The following SLC7A11 variants were observed in gnomAD, a reference collection of about 807,000 sequenced individuals.
SLC7A11 encodes the protein solute carrier family 7 member 11.
A neutral mutation model predicts 54.5 loss-of-function variants in SLC7A11; 35 were observed. The observed-to-expected ratio is 0.64, with a 90% CI of 0.49 to 0.85. The LOEUF is 0.85. Among genes scored for constraint, SLC7A11 ranks in the 40% least tolerant of loss-of-function variants. The pLI is 0.00. For missense variants in SLC7A11, 583 were observed against 618.1 expected (o/e 0.94, Z 0.60); for synonymous variants, 230 against 225.2 (o/e 1.02, Z -0.19).
intron 3 of SLC7A11, among the ~76,000 whole-genome samples, chr4:138,225,477 G>C (rs1457896304): frequency 6.6e-5 from 10 of 151,850 alleles, no homozygotes; most frequent in Admixed American, 5.9e-4. Context: ...AAAACATGAA[G>C]GGATAGACAG....
At chr4:138,181,155 G>T (rs1017915411) in intron 9 of SLC7A11, among the ~76,000 whole-genome samples, 1 of 152,070 alleles carries the variant, frequency 6.6e-6, no homozygotes, top group African/African-American at 2.4e-5. Flanking sequence ...GAGATGATTA[G>T]TAAATAACCG....
chr4:138,237,733 A>T lies in SLC7A11; in HGVS notation c.278-1282T>A, dbSNP rs1193022046. ...TATATATATATATATATATATATATATATATTTTTTTTTTTTTTTTTTTTT... is the reference window on the plus strand; with the variant it reads ...TATATATATATATATATATATATATTTATATTTTTTTTTTTTTTTTTTTTT... On this transcript the variant is annotated intron_variant, in intron 1 of 11. Transcript: ENST00000280612. Among the ~76,000 whole-genome samples, 93 of 11,520 alleles carry T rather than the reference A, an allele frequency of 8.1e-3. 3 individuals are homozygous for T. The highest frequency in any genetic ancestry group is 0.014 in the Admixed American group (7 of 514). 7.6% of individuals were successfully genotyped at this position (11,520 alleles called of 152,430 possible).
chr4:138,210,007 C>T (rs969709552), intron 6 of SLC7A11, among the ~76,000 whole-genome samples: 1 of 151,938 alleles, frequency 6.6e-6, no homozygotes, highest in African/African-American at 2.4e-5. Flanking sequence ...TATAGGGTTA[C>T]AGTAACCCAA....
At position 138,171,711 on chromosome 4, in the gene SLC7A11, G is replaced by A. The variant is rs1736429004; in HGVS notation, c.*245C>T. The A allele has an allele frequency of 4.7e-6, 2 of 427,578 alleles. No homozygotes were observed. Among genetic ancestry groups the A allele is most frequent in the African/African-American group, 4.2e-5 (2 of 47,468 alleles). The allele number at this position is 427,578 out of a possible 1,614,324, so 26.5% of individuals were successfully genotyped here. A position where few individuals can be genotyped will look rare whatever the true frequency, so the allele number is the denominator to read the frequency against. On this transcript the variant is annotated 3_prime_UTR_variant, in exon 12 of 12. Transcript: ENST00000280612. ...CTTTTCTCCTAACCCCAATAGGTAG[G>A]TATCAGAGACTCAAGAATTGTGCGA...
intron 5 of SLC7A11, among the ~76,000 whole-genome samples, chr4:138,217,927 A>G (rs1737718430): frequency 2.0e-5 from 3 of 152,222 alleles, no homozygotes; most frequent in Admixed American, 2.0e-4. Flanking sequence ...AAAAGACTTC[A>G]AAAATACTGA....
chr4:138,219,758 C>A (rs970017435), intron 4 of SLC7A11, among the ~76,000 whole-genome samples: 1 of 152,018 alleles, frequency 6.6e-6, no homozygotes, highest in African/African-American at 2.4e-5. Context: ...CAAGAAAATG[C>A]GGAGAGGTAT....
chr4:138,218,162 T>A (rs1233952977), intron 5 of SLC7A11, among the ~76,000 whole-genome samples: 1 of 152,220 alleles, frequency 6.6e-6, no homozygotes, highest in East Asian at 1.9e-4. Context: ...CCATTCATTT[T>A]GAAATATATC....
At chr4:138,192,656 A>G (rs953978538) in intron 6 of SLC7A11, among the ~76,000 whole-genome samples, 4 of 152,116 alleles carry the variant, frequency 2.6e-5, no homozygotes, top group Non-Finnish European at 4.4e-5. Flanking sequence ...TGTATAGTAT[A>G]TTATTTATGA....
At chr4:138,230,287 GA>G (rs1043886244) in intron 3 of SLC7A11, among the ~76,000 whole-genome samples, 1 of 151,362 alleles carries the variant, frequency 6.6e-6, no homozygotes, top group South Asian at 2.1e-4. Context: ...GAGAGAATCA[GA>G]AAAAAATAGC....
chr4:138,211,816 G>A (rs953223327), intron 6 of SLC7A11, among the ~76,000 whole-genome samples: 1 of 151,828 alleles, frequency 6.6e-6, no homozygotes, highest in Non-Finnish European at 1.5e-5. Flanking sequence ...TTTCACTCAC[G>A]TGTGAGCTAA....
chr4:138,219,882 TAGAAG>T (rs1737767355), intron 4 of SLC7A11, among the ~76,000 whole-genome samples: 2 of 151,868 alleles, frequency 1.3e-5, no homozygotes, highest in South Asian at 2.1e-4. Context: ...GCCTACCTCC[TAGAAG>T]AGAAGTTGGA....
rs1162216132 is a variant in SLC7A11, at chr4:138,179,284, A to G, written c.1377T>C (p.Thr459=). 2 of 1,612,768 alleles carry G rather than the reference A, an allele frequency of 1.2e-6. No individual in the cohort carries two copies. Among genetic ancestry groups the G allele is most frequent in the Non-Finnish European group, 8.5e-7 (1 of 1,179,070 alleles). The change falls in exon 11 of 12, where the codon ACT becomes ACC. Residue 459 remains threonine (T), a synonymous_variant. Coordinates refer to ENST00000280612, the MANE Select transcript of SLC7A11 (RefSeq NM_014331.4). The part of the protein sequence containing the change: ...STGIGFVITL[T]GVPAYYLFII... Reference sequence around the variant, plus strand: ...TAAAGAGATAATACGCAGGGACTCCAGTCAGAGTGATGACGAAGCCAATCC... The same window carrying G: ...TAAAGAGATAATACGCAGGGACTCCGGTCAGAGTGATGACGAAGCCAATCC...
chr4:138,208,944 T>A (rs958063236), intron 6 of SLC7A11, among the ~76,000 whole-genome samples: 2 of 152,008 alleles, frequency 1.3e-5, no homozygotes, highest in African/African-American at 4.8e-5. Context: ...CAAACAGAAA[T>A]TTTGCCCACC....
intron 6 of SLC7A11, among the ~76,000 whole-genome samples, chr4:138,203,533 T>C (rs181629183): frequency 2.6e-3 from 390 of 152,142 alleles, no homozygotes; most frequent in Non-Finnish European, 4.6e-3. Flanking sequence ...GTTTAATCCA[T>C]ATCTTTGGAC....
At chr4:138,172,427 T>G (rs1736449454) in intron 11 of SLC7A11, among the ~76,000 whole-genome samples, 1 of 152,216 alleles carries the variant, frequency 6.6e-6, no homozygotes. Context: ...AATCAGAATG[T>G]AATTTTCATT....
At chr4:138,232,200 A>T (rs1738095130) in intron 3 of SLC7A11, 67 bp downstream of exon 3, 1 of 1,097,146 alleles carries the variant, frequency 9.1e-7, no homozygotes. Flanking sequence ...AAAAGTCTAA[A>T]GACACTTTGT....
At position 138,164,160 on chromosome 4, in the gene SLC7A11, C is replaced by A. The variant is rs1035749735; in HGVS notation, c.*7796G>T. On this transcript the variant is annotated 3_prime_UTR_variant, in exon 12 of 12. Coordinates refer to ENST00000280612, the MANE Select transcript of SLC7A11 (RefSeq NM_014331.4). ...AAAATATTTTCAAGTAAAATATGTA[C>A]AAAAATGGTTATAAAATGGTTGAAG... 2 of 152,140 alleles carry A rather than the reference C, an allele frequency of 1.3e-5. No individual in the cohort carries two copies. Among genetic ancestry groups the A allele is most frequent in the African/African-American group, 4.9e-5 (2 of 41,192 alleles). 9.4% of individuals were successfully genotyped at this position (152,140 alleles called of 1,614,324 possible). A position where few individuals can be genotyped will look rare whatever the true frequency, so the allele number is the denominator to read the frequency against.
At position 138,168,640 on chromosome 4, in the gene SLC7A11, T is replaced by C. The variant is rs942789825; in HGVS notation, c.*3316A>G. ...GACGAACAGGAAATCTGTTTCAACG[T>C]GAATATCTTAGTGTTGGAGAAACCG... On this transcript the variant is annotated 3_prime_UTR_variant, in exon 12 of 12. Coordinates refer to ENST00000280612, the MANE Select transcript of SLC7A11 (RefSeq NM_014331.4). The C allele has an allele frequency of 6.6e-6, 1 of 152,176 alleles. No homozygotes were observed. The highest frequency in any genetic ancestry group is 1.5e-5 in the Non-Finnish European group (1 of 68,024). 9.4% of individuals were successfully genotyped at this position (152,176 alleles called of 1,614,324 possible). A position where few individuals can be genotyped will look rare whatever the true frequency, so the allele number is the denominator to read the frequency against.
intron 6 of SLC7A11, among the ~76,000 whole-genome samples, chr4:138,206,101 T>C (rs1365672959): frequency 6.6e-6 from 1 of 151,988 alleles, no homozygotes; most frequent in African/African-American, 2.4e-5. Context: ...ATTATTGCTG[T>C]GTAAAGGTAT....
Sources: gnomAD v4.1 joint callset for allele counts (sites outside exome capture counted in the v4.1 genomes callset) on GRCh38, gnomAD v4.1.1 for gene constraint, MANE v1.5 for transcripts, NCBI Gene and HGNC (gene_info 2026-07-23, HGNC 2026-07-21) for gene names.